ASXL3: variants seen among roughly 807,000 people sequenced by gnomAD.
ASXL3 encodes ASXL transcriptional regulator 3.
A neutral mutation model predicts 170.6 loss-of-function variants in ASXL3; 34 were observed. That is an observed-to-expected ratio of 0.20 (90% CI 0.15 to 0.27). The LOEUF is 0.27. ASXL3 is among the 10% of genes least tolerant of loss of function. The pLI is 1.00. For missense variants in ASXL3, 2,592 were observed against 2,695.3 expected (o/e 0.96, Z 0.85); for synonymous variants, 1,002 against 989.1 (o/e 1.01, Z -0.24).
At chr18:33,636,145 A>G (rs1322692274) in intron 2 of ASXL3, among the ~76,000 whole-genome samples, 1 of 152,194 alleles carries the variant, frequency 6.6e-6, no homozygotes, top group African/African-American at 2.4e-5. Context: ...ATGGGAAACC[A>G]TAGAAGCTTG....
chr18:33,746,063 C>T lies in ASXL3; in HGVS notation c.6215C>T (p.Ser2072Phe). The part of the protein sequence containing the change: ...ETTKRLSWPQ[S>F]TGICSNIKSE... ...ACTAAGAGACTTAGTTGGCCACAGT[C>T]CACGGGCATATGTAGCAATATAAAA... The change falls in exon 12 of 12, where the codon TCC (serine) becomes TTC (phenylalanine). Residue 2072 changes from serine (S) to phenylalanine (F), a missense_variant. By Grantham distance (155) the Ser-to-Phe change is radical. Coordinates refer to ENST00000269197, the MANE Select transcript of ASXL3 (RefSeq NM_030632.3). 1.2e-6 allele frequency: 2 copies of T among 1,613,180 alleles called. No homozygotes were observed. The highest frequency in any genetic ancestry group is 1.7e-6 in the Non-Finnish European group (2 of 1,179,816).
At chr18:33,702,988 T>TGGAGCTCTATGG (rs2066901326) in intron 8 of ASXL3, among the ~76,000 whole-genome samples, 1 of 152,154 alleles carries the variant, frequency 6.6e-6, no homozygotes, top group Admixed American at 6.6e-5. Context: ...AATTGCTCCA[T>TGGAGCTCTATGG]AGTCTGATAA....
chr18:33,743,946 C>T lies in ASXL3; in HGVS notation c.4098C>T (p.Asn1366=). ...TCTTGATTCCCCCAATGGGAATTAA[C>T]AACAGATTTCCTTCTGAGAAGATAG... ...SSVLIPPMGI[N]NRFPSEKIAI... Residue 1366 remains asparagine (N), a synonymous_variant, in exon 12 of 12, where the codon AAC becomes AAT. Transcript: ENST00000269197. 6.2e-7 allele frequency: 1 copy of T among 1,614,024 alleles called. No individual in the cohort carries two copies. The highest frequency in any genetic ancestry group is 1.1e-5 in the South Asian group (1 of 91,086).
intron 6 of ASXL3, 75 bp downstream of exon 6, chr18:33,670,865 A>AT (rs1466466186): frequency 5.2e-5 from 51 of 989,376 alleles, no homozygotes; most frequent in South Asian, 6.4e-5. Flanking sequence ...AGATGTCATG[A>AT]TTTTTTTTCT....
intron 2 of ASXL3, among the ~76,000 whole-genome samples, chr18:33,644,031 A>C (rs1017013480): frequency 2.0e-5 from 3 of 151,948 alleles, no homozygotes; most frequent in African/African-American, 7.2e-5. Context: ...TGCAATCAAA[A>C]CACAAAATTT....
intron 5 of ASXL3, among the ~76,000 whole-genome samples, chr18:33,663,050 G>T (rs554675883): frequency 1.2e-4 from 19 of 152,134 alleles, no homozygotes; most frequent in Non-Finnish European, 1.9e-4. Flanking sequence ...CATAGGTCAA[G>T]TATCCTTTGG....
chr18:33,672,922 CTT>C (rs1356083138), intron 7 of ASXL3, among the ~76,000 whole-genome samples: 1 of 151,926 alleles, frequency 6.6e-6, no homozygotes, highest in African/African-American at 2.4e-5. Context: ...AGCAGAATCT[CTT>C]TTTTATTTAA....
intron 8 of ASXL3, among the ~76,000 whole-genome samples, chr18:33,712,998 C>A (rs895147527): frequency 6.6e-6 from 1 of 152,028 alleles, no homozygotes; most frequent in African/African-American, 2.4e-5. Context: ...CACGTTCTAG[C>A]TAAATGACTG....
At chr18:33,642,386 G>GT (rs1273922550) in intron 2 of ASXL3, among the ~76,000 whole-genome samples, 4 of 151,634 alleles carry the variant, frequency 2.6e-5, no homozygotes, top group African/African-American at 7.2e-5. Flanking sequence ...ATTTTTCATT[G>GT]TTTTTTTAAA....
intron 8 of ASXL3, among the ~76,000 whole-genome samples, chr18:33,726,570 AAAT>A (rs1325917174): frequency 4.6e-5 from 7 of 152,154 alleles, no homozygotes; most frequent in African/African-American, 1.7e-4. Context: ...ATATATGTTG[AAAT>A]AATATTTTCG....
At chr18:33,644,749 G>A (rs971901059) in intron 2 of ASXL3, 145 bp from the exon 3 acceptor site, 4 of 465,276 alleles carry the variant, frequency 8.6e-6, no homozygotes, top group Non-Finnish European at 1.5e-5. Context: ...GGGTTGAGAG[G>A]GTATTTTTAA....
At chr18:33,647,642 T>G (rs1004236714) in intron 4 of ASXL3, among the ~76,000 whole-genome samples, 6 of 152,066 alleles carry the variant, frequency 3.9e-5, no homozygotes, top group Admixed American at 3.3e-4. Context: ...TGTGGTACTC[T>G]TGCCTGGGTG....
chr18:33,733,984 AAGGACAGTGAAT>A (rs1047251775), intron 9 of ASXL3, among the ~76,000 whole-genome samples: 23 of 146,890 alleles, frequency 1.6e-4, no homozygotes, highest in Admixed American at 4.0e-4. Flanking sequence ...TGATTTCCTT[AAGGACAGTGAAT>A]ATACGCTCTT....
intron 5 of ASXL3, among the ~76,000 whole-genome samples, chr18:33,666,334 T>A (rs947623035): frequency 3.3e-5 from 5 of 152,152 alleles, no homozygotes; most frequent in Non-Finnish European, 7.4e-5. Context: ...GTAATATCTG[T>A]CAAAATAAAT....
chr18:33,599,235 A>C (rs1171375743), intron 1 of ASXL3, among the ~76,000 whole-genome samples: 1 of 152,154 alleles, frequency 6.6e-6, no homozygotes, highest in Non-Finnish European at 1.5e-5. Context: ...GGATTATTAG[A>C]CTTATACATC....
intron 9 of ASXL3, among the ~76,000 whole-genome samples, chr18:33,732,938 C>G (rs1420089396): frequency 1.3e-5 from 2 of 151,810 alleles, no homozygotes; most frequent in Admixed American, 6.6e-5. Flanking sequence ...GTTCCTTCAC[C>G]AATATCTCAT....
chr18:33,652,343 C>G (rs2066011657), intron 4 of ASXL3, among the ~76,000 whole-genome samples: 1 of 151,910 alleles, frequency 6.6e-6, no homozygotes, highest in African/African-American at 2.4e-5. Context: ...AGTAGACAGT[C>G]TTCGCTCTCT....
Position 33,609,200 on chromosome 18 carries a change from G to A in ASXL3, c.137+1524G>A, listed in dbSNP as rs1027700532. 4.8e-5 allele frequency: 16 copies of A among 335,522 alleles called. No individual in the cohort carries two copies. The South Asian group carries it at 8.3e-4, about 17-fold the overall frequency. The allele number at this position is 335,522 out of a possible 1,614,324, so 20.8% of individuals were successfully genotyped here. A position where few individuals can be genotyped will look rare whatever the true frequency, so the allele number is the denominator to read the frequency against. ...TTAATTTTCTTCTTGCCACCTGTCA[G>A]TAACCCTGGAAATATTTATGACATT... On this transcript the variant is annotated intron_variant, in intron 2 of 11. Coordinates refer to ENST00000269197, the MANE Select transcript of ASXL3 (RefSeq NM_030632.3).
At chr18:33,721,589 A>G (rs578180220) in intron 8 of ASXL3, among the ~76,000 whole-genome samples, 1 of 152,032 alleles carries the variant, frequency 6.6e-6, no homozygotes, top group Non-Finnish European at 1.5e-5. Flanking sequence ...CTACTTTAAA[A>G]CTCCATCATA....
Sources: gnomAD v4.1 joint callset for allele counts (sites outside exome capture counted in the v4.1 genomes callset) on GRCh38, gnomAD v4.1.1 for gene constraint, MANE v1.5 for transcripts, NCBI Gene and HGNC (gene_info 2026-07-23, HGNC 2026-07-21) for gene names.